Variants in CLDN18 observed in about 807,000 individuals in gnomAD.
CLDN18 encodes claudin-18.
In CLDN18, 20 loss-of-function variants were observed where a neutral mutation model predicts 25.0. The observed-to-expected ratio is 0.80, with a 90% confidence interval of 0.56 to 1.16. The LOEUF (loss-of-function observed/expected upper bound fraction) is 1.16, where lower values mean the gene tolerates loss of function less well. Among genes scored for constraint, CLDN18 ranks in the 50% most tolerant of loss-of-function variants. The pLI, the probability that CLDN18 is intolerant of heterozygous loss-of-function variation, is 0.00. For missense variants in CLDN18, 297 were observed against 345.4 expected (o/e 0.86, Z 1.11); for synonymous variants, 125 against 135.6 (o/e 0.92, Z 0.54).
At chr3:138,000,790 C>A (rs536804221) in intron 1 of CLDN18, among the ~76,000 whole-genome samples, 10 of 152,290 alleles carry the variant, frequency 6.6e-5, no homozygotes, top group Non-Finnish European at 1.3e-4. Context: ...TCCTGCTGAC[C>A]CCTCCTTAGC....
Position 138,000,127 on chromosome 3 carries a change from T to C in CLDN18, c.220+1039T>C, listed in dbSNP as rs146144602. Among the ~76,000 whole-genome samples the C allele has an allele frequency of 2.5e-3, 385 of 152,264 alleles. 1 individual carries two copies. Among genetic ancestry groups the C allele is most frequent in the African/African-American group, 9.0e-3 (372 of 41,534 alleles). On this transcript the variant is annotated intron_variant, in intron 1 of 4. Transcript: ENST00000343735. ...ACTTGAATCATACGGTGATTTATTC[T>C]TTTATACATTCAACACTTATTTACG...
intron 1 of CLDN18, among the ~76,000 whole-genome samples, chr3:138,016,532 C>G (rs951705936): frequency 8.5e-5 from 11 of 129,034 alleles, no homozygotes; most frequent in Admixed American, 6.8e-4. Flanking sequence ...GGAGAGGGGG[C>G]AAAGATATGG....
intron 1 of CLDN18, among the ~76,000 whole-genome samples, chr3:138,018,399 G>C (rs1029149462): frequency 8.1e-5 from 12 of 148,992 alleles, no homozygotes; most frequent in Non-Finnish European, 1.8e-4. Context: ...TGCAGTGGCG[G>C]GATCTCGGCT....
chr3:138,027,404 G>C (rs975944662), intron 3 of CLDN18, among the ~76,000 whole-genome samples: 1 of 152,184 alleles, frequency 6.6e-6, no homozygotes, highest in Non-Finnish European at 1.5e-5. Context: ...TGCTAACCTT[G>C]ACCCAGAGTG....
rs576473554 is a variant in CLDN18, at chr3:138,018,527, G to A, written c.221-5131G>A. On this transcript the variant is annotated intron_variant, in intron 1 of 4. Coordinates refer to ENST00000183605, the MANE Select transcript of CLDN18 (RefSeq NM_016369.4). ...AATTTTTTGTATTTTTAGTAGAGAC[G>A]GGGTTTCACCGTTTTAGCCGGGATG... is the stretch of plus-strand genomic sequence containing the variant. Among the ~76,000 whole-genome samples the A allele has an allele frequency of 1.1e-4, 16 of 151,876 alleles. No homozygotes were observed. The South Asian group carries it at 3.1e-3, about 30-fold the overall frequency.
At position 138,033,045 on chromosome 3, in the gene CLDN18, C is replaced by G. The variant is rs1319547512; in HGVS notation, c.*1904C>G. ...TAGGTTATTATTTGAGAGGAAAGTC[C>G]TCACATCAATAGTACATATGAAAGT... is the stretch of plus-strand genomic sequence containing the variant. On this transcript the variant is annotated 3_prime_UTR_variant, in exon 5 of 5. Coordinates refer to ENST00000183605, the MANE Select transcript of CLDN18 (RefSeq NM_016369.4). The G allele has an allele frequency of 6.6e-6, 1 of 152,188 alleles. No homozygotes were observed. 9.4% of individuals were successfully genotyped at this position (152,188 alleles called of 1,614,324 possible).
At chr3:138,027,814 T>C (rs1349110818) in intron 3 of CLDN18, among the ~76,000 whole-genome samples, 1 of 152,082 alleles carries the variant, frequency 6.6e-6, no homozygotes, top group African/African-American at 2.4e-5. Flanking sequence ...AGGGACCCCC[T>C]AGGAGAAGCC....
chr3:138,031,135 T>A lies in CLDN18; in HGVS notation c.780T>A (p.Tyr260Ter). 1 of 1,612,956 alleles carries A rather than the reference T, an allele frequency of 6.2e-7. No individual in the cohort carries two copies. The highest frequency in any genetic ancestry group is 8.5e-7 in the Non-Finnish European group (1 of 1,179,518). Residue 260 changes from tyrosine to a stop codon, truncating the protein, a stop_gained, in exon 5 of 5, where the codon TAT (tyrosine) becomes TAA (stop). Transcript: ENST00000183605. LOFTEE classifies it high-confidence loss of function. ...AATCTTATCCTTCCAAGCACGACTA[T>A]GTGTAATGCTCTAAGACCTCTCAGC... is the stretch of plus-strand genomic sequence containing the variant. The part of the protein sequence containing the change: ...EVQSYPSKHD[Y>*]V
At chr3:138,026,855 G>A (rs1170242459) in intron 3 of CLDN18, among the ~76,000 whole-genome samples, 1 of 152,218 alleles carries the variant, frequency 6.6e-6, no homozygotes, top group Admixed American at 6.5e-5. Context: ...GAGCTGTGCA[G>A]TGTGAATTAT....
intron 1 of CLDN18, among the ~76,000 whole-genome samples, chr3:138,002,979 CTACT>C (rs1942034225): frequency 6.6e-6 from 1 of 152,130 alleles, no homozygotes; most frequent in Non-Finnish European, 1.5e-5. Context: ...TATTGAACAC[CTACT>C]ATGTCCCAGA....
chr3:138,023,644 C>T lies in CLDN18; in HGVS notation c.221-14C>T, dbSNP rs1942293835. 6.2e-7 allele frequency: 1 copy of T among 1,612,068 alleles called. No individual in the cohort carries two copies. Among genetic ancestry groups the T allele is most frequent in the African/African-American group, 1.3e-5 (1 of 74,848 alleles). On this transcript the variant is annotated splice_polypyrimidine_tract_variant and intron_variant, in intron 1 of 4. Coordinates refer to ENST00000183605, the MANE Select transcript of CLDN18 (RefSeq NM_016369.4). ...TCTTATTTGTCTGCTTGTGTCTTGC[C>T]CCTTGTCCCACAGCCATGCTGCAGG...
intron 1 of CLDN18, among the ~76,000 whole-genome samples, chr3:138,019,867 C>A (rs1051205275): frequency 2.6e-5 from 4 of 152,184 alleles, no homozygotes; most frequent in African/African-American, 7.2e-5. Context: ...TCTTTCAGCC[C>A]TGAATCCTGC....
chr3:138,028,504 C>T (rs867388497), intron 3 of CLDN18, among the ~76,000 whole-genome samples: 3 of 152,192 alleles, frequency 2.0e-5, no homozygotes, highest in South Asian at 4.1e-4. Context: ...TAGTAATTCA[C>T]AGAGTTCTAC....
intron 4 of CLDN18, among the ~76,000 whole-genome samples, chr3:138,030,589 G>A (rs1348975548): frequency 6.6e-6 from 1 of 152,136 alleles, no homozygotes; most frequent in African/African-American, 2.4e-5. Flanking sequence ...ACGTAACAAT[G>A]TTCCCCTGGA....
intron 1 of CLDN18, among the ~76,000 whole-genome samples, chr3:138,012,860 G>A (rs1942157586): frequency 6.6e-6 from 1 of 152,342 alleles, no homozygotes; most frequent in South Asian, 2.1e-4. Flanking sequence ...TGGAGCCCAG[G>A]AAGAAAGTGG....
At chr3:138,004,663 G>T (rs1203855683) in intron 1 of CLDN18, 1 of 151,820 alleles carries the variant, frequency 6.6e-6, no homozygotes. Context: ...GAAAAAGGAA[G>T]TTTATTTAGT....
chr3:138,015,992 T>C (rs1309978510), intron 1 of CLDN18, among the ~76,000 whole-genome samples: 2 of 152,226 alleles, frequency 1.3e-5, no homozygotes, highest in East Asian at 1.9e-4. Flanking sequence ...TCTGTATAAC[T>C]GATACCTCAA....
chr3:138,015,767 C>T (rs147740725), intron 1 of CLDN18, among the ~76,000 whole-genome samples: 87 of 152,296 alleles, frequency 5.7e-4, no homozygotes, highest in African/African-American at 2.0e-3. Context: ...ATAATCATTG[C>T]CAGTTATTAA....
chr3:138,019,138 A>G (rs1285642728), intron 1 of CLDN18, among the ~76,000 whole-genome samples: 2 of 152,188 alleles, frequency 1.3e-5, no homozygotes, highest in Non-Finnish European at 2.9e-5. Context: ...GTAGCATCTG[A>G]TCCTCACAGA....
Sources: gnomAD v4.1 joint callset for allele counts (sites outside exome capture counted in the v4.1 genomes callset) on GRCh38, gnomAD v4.1.1 for gene constraint, MANE v1.5 for transcripts, NCBI Gene and HGNC (gene_info 2026-07-23, HGNC 2026-07-21) for gene names.